The following SPINK13 variants were observed in gnomAD, a reference collection of about 807,000 sequenced individuals.
SPINK13 encodes serine protease inhibitor Kazal-type 13.
SPINK13 carries 11 observed loss-of-function variants against 11.0 expected under a neutral mutation model. The observed-to-expected ratio is 1.00, with a 90% CI of 0.63 to 1.65. The LOEUF (loss-of-function observed/expected upper bound fraction) is 1.65. Ranked by LOEUF, SPINK13 falls within the 40% of genes most tolerant of loss-of-function variation. The pLI, the probability that SPINK13 is intolerant of heterozygous loss-of-function variation, is 0.00. For synonymous variants in SPINK13, 31 were observed against 35.6 expected (o/e 0.87, Z 0.46); for missense variants, 113 against 117.7 (o/e 0.96, Z 0.19).
intron 3 of SPINK13, among the ~76,000 whole-genome samples, chr5:148,280,413 T>C (rs1756495198): frequency 6.6e-6 from 1 of 152,210 alleles, no homozygotes; most frequent in Non-Finnish European, 1.5e-5. Context: ...TTTCCTCATC[T>C]TTGTGGATTT....
At chr5:148,279,325 T>A (rs1304157131) in intron 3 of SPINK13, among the ~76,000 whole-genome samples, 1 of 152,148 alleles carries the variant, frequency 6.6e-6, no homozygotes, top group Admixed American at 6.6e-5. Context: ...GTCATTATTA[T>A]GCTAGCTGGC....
chr5:148,284,332 T>A (rs1181322992), intron 4 of SPINK13, among the ~76,000 whole-genome samples: 1 of 152,022 alleles, frequency 6.6e-6, no homozygotes, highest in Middle Eastern at 3.2e-3. Flanking sequence ...CCTCTCTCCC[T>A]CTTTCCTTCT....
intron 3 of SPINK13, among the ~76,000 whole-genome samples, chr5:148,276,713 G>GCCT (rs1383782455): frequency 4.6e-5 from 7 of 152,160 alleles, no homozygotes; most frequent in Non-Finnish European, 8.8e-5. Flanking sequence ...GTAGCGTGAT[G>GCCT]CCTCTAGATT....
At chr5:148,269,960 C>T (rs1036940546) in intron 1 of SPINK13, 80 bp from the exon 2 acceptor site, 6 of 976,620 alleles carry the variant, frequency 6.1e-6, no homozygotes, top group Non-Finnish European at 9.4e-6. Flanking sequence ...GGAATGGTAT[C>T]ACCTTAGGGT....
At chr5:148,272,772 G>A (rs187415682) in intron 2 of SPINK13, among the ~76,000 whole-genome samples, 39 of 152,260 alleles carry the variant, frequency 2.6e-4, no homozygotes, top group African/African-American at 8.4e-4. Flanking sequence ...AAAATGGGAG[G>A]AATGGAACTA....
At chr5:148,283,543 G>A (rs1756548311) in intron 4 of SPINK13, among the ~76,000 whole-genome samples, 1 of 152,126 alleles carries the variant, frequency 6.6e-6, no homozygotes, top group Non-Finnish European at 1.5e-5. Context: ...TTTCAATGAG[G>A]ATTATTCCAT....
intron 3 of SPINK13, 130 bp downstream of exon 3, chr5:148,274,514 G>A (rs1756396121): frequency 3.0e-6 from 2 of 669,844 alleles, no homozygotes; most frequent in Non-Finnish European, 2.5e-6. Context: ...TAGGGAAGCT[G>A]AGGCAGGAGG....
At chr5:148,285,705 A>G (rs1450677101) in intron 4 of SPINK13, among the ~76,000 whole-genome samples, 1 of 152,158 alleles carries the variant, frequency 6.6e-6, no homozygotes. Flanking sequence ...TTGGTAAAAA[A>G]AAATCTGGTA....
intron 3 of SPINK13, 93 bp downstream of exon 3, chr5:148,274,477 G>T (rs1436124894): frequency 3.9e-6 from 4 of 1,023,804 alleles, no homozygotes; most frequent in Non-Finnish European, 1.5e-6. Flanking sequence ...GTCAGGCACA[G>T]TGGCTCATGC....
intron 4 of SPINK13, among the ~76,000 whole-genome samples, chr5:148,285,300 C>G (rs1756573984): frequency 6.6e-6 from 1 of 152,040 alleles, no homozygotes; most frequent in Admixed American, 6.5e-5. Context: ...AGATATATAT[C>G]AAAGGTGAAC....
chr5:148,275,239 G>T (rs144006048), intron 3 of SPINK13, among the ~76,000 whole-genome samples: 1 of 151,992 alleles, frequency 6.6e-6, no homozygotes, highest in Non-Finnish European at 1.5e-5. Flanking sequence ...ATGGTGTTTG[G>T]TTTTCTGTTC....
At chr5:148,274,517 G>T in intron 3 of SPINK13, 133 bp downstream of exon 3, 2 of 669,850 alleles carry the variant, frequency 3.0e-6, no homozygotes, top group East Asian at 5.6e-5. Flanking sequence ...GGAAGCTGAG[G>T]CAGGAGGATC....
At chr5:148,285,973 A>T (rs780026065) in intron 4 of SPINK13, 27 bp from the exon 5 acceptor site, 1 of 1,325,490 alleles carries the variant, frequency 7.5e-7, no homozygotes, top group Non-Finnish European at 1.0e-6. Context: ...TTATGATACT[A>T]ATCTTCTTTT....
chr5:148,274,342 A>G lies in SPINK13; in HGVS notation c.71-5A>G, dbSNP rs375212388. The G allele has an allele frequency of 3.1e-4, 492 of 1,610,418 alleles. 6 individuals are homozygous for G. The South Asian group carries it at 4.2e-3, about 14-fold the overall frequency. On this transcript the variant is annotated splice_polypyrimidine_tract_variant and splice_region_variant and intron_variant, in intron 2 of 4. Coordinates refer to ENST00000398450, the MANE Select transcript of SPINK13 (RefSeq NM_001040129.3). ...TAACTTACTGTGTTTATTCTTTATTAGCAGGAATTTTCAATAAACGTGACT... is the reference window on the plus strand; with the variant it reads ...TAACTTACTGTGTTTATTCTTTATTGGCAGGAATTTTCAATAAACGTGACT...
At chr5:148,280,984 G>C (rs1302970028) in intron 3 of SPINK13, among the ~76,000 whole-genome samples, 1 of 152,208 alleles carries the variant, frequency 6.6e-6, no homozygotes, top group African/African-American at 2.4e-5. Flanking sequence ...GCCCTGCCCA[G>C]AGAGGAGAAA....
rs112479485 is a variant in SPINK13, at chr5:148,284,696, T to C, written c.237-1304T>C. Reference sequence around the variant, plus strand: ...AGGGTAATTCCTTGGTCTCTGCTCTTGGCAGTGTTTTGAGGAAAAAGCCCT... The same window carrying C: ...AGGGTAATTCCTTGGTCTCTGCTCTCGGCAGTGTTTTGAGGAAAAAGCCCT... On this transcript the variant is annotated intron_variant, in intron 4 of 4. Coordinates refer to ENST00000398450, the MANE Select transcript of SPINK13 (RefSeq NM_001040129.3). Among the ~76,000 whole-genome samples, 1,061 of 152,318 alleles carry C rather than the reference T, an allele frequency of 7.0e-3. 16 individuals are homozygous for C. The highest frequency in any genetic ancestry group is 0.024 in the African/African-American group (989 of 41,572).
At chr5:148,282,418 T>C (rs1581168737) in intron 4 of SPINK13, among the ~76,000 whole-genome samples, 187 bp downstream of exon 4, 1 of 152,242 alleles carries the variant, frequency 6.6e-6, no homozygotes, top group South Asian at 2.1e-4. Context: ...TAGTTAGTAT[T>C]CAAAGTTGAA....
chr5:148,271,969 C>T (rs1756358399), intron 2 of SPINK13, among the ~76,000 whole-genome samples: 1 of 152,180 alleles, frequency 6.6e-6, no homozygotes, highest in Non-Finnish European at 1.5e-5. Flanking sequence ...AGAATATTTT[C>T]ATCTTTTGAA....
At chr5:148,274,261 TATTC>T in intron 2 of SPINK13, 82 bp from the exon 3 acceptor site, 3 of 861,790 alleles carry the variant, frequency 3.5e-6, no homozygotes, top group Non-Finnish European at 5.5e-6. Flanking sequence ...AATTTTACAT[TATTC>T]AATCAGTGAC....
Sources: gnomAD v4.1 joint callset for allele counts (sites outside exome capture counted in the v4.1 genomes callset) on GRCh38, gnomAD v4.1.1 for gene constraint, MANE v1.5 for transcripts, NCBI Gene and HGNC (gene_info 2026-07-23, HGNC 2026-07-21) for gene names.